The following HMGB1 variants were observed in gnomAD, a reference collection of about 807,000 sequenced individuals.
HMGB1 encodes high mobility group protein B1.
For missense variants in HMGB1, 79 were observed against 253.5 expected (o/e 0.31, Z 4.67); for synonymous variants, 81 against 84.0 (o/e 0.96, Z 0.19).
rs969425691 is a variant in HMGB1 at position 30,463,191 on chromosome 13, C to T, written c.296+16G>A. The T allele has an allele frequency of 6.3e-7, 1 of 1,597,524 alleles. No homozygotes were observed. On this transcript the variant is annotated intron_variant, in intron 3 of 4. Coordinates refer to ENST00000341423, the MANE Select transcript of HMGB1 (RefSeq NM_002128.7). Reference sequence around the variant, plus strand: ...GTAAAACGTGTCTGGGAAGTAAAAACAGGCAAGATACTCACGGAGGCCTCT... The same window carrying T: ...GTAAAACGTGTCTGGGAAGTAAAAATAGGCAAGATACTCACGGAGGCCTCT...
intron 1 of HMGB1, among the ~76,000 whole-genome samples, chr13:30,591,310 G>T (rs1871360367): frequency 6.6e-6 from 1 of 152,052 alleles, no homozygotes; most frequent in Non-Finnish European, 1.5e-5. Flanking sequence ...GGGATTACAG[G>T]TGTGAACCAT....
intron 1 of HMGB1, among the ~76,000 whole-genome samples, chr13:30,515,490 C>G (rs1033433738): frequency 6.6e-6 from 1 of 152,138 alleles, no homozygotes; most frequent in Admixed American, 6.5e-5. Context: ...CACTATTGAA[C>G]AAAACGTAAT....
chr13:30,501,836 G>A (rs895500263), intron 1 of HMGB1, among the ~76,000 whole-genome samples: 1 of 152,116 alleles, frequency 6.6e-6, no homozygotes, highest in African/African-American at 2.4e-5. Context: ...ATCAGATAAT[G>A]TAAAGGCAAT....
chr13:30,572,160 A>G (rs940157970), intron 1 of HMGB1, among the ~76,000 whole-genome samples: 2 of 152,252 alleles, frequency 1.3e-5, no homozygotes, highest in East Asian at 3.8e-4. Context: ...TGCCAGGCAG[A>G]GGTGGGACTG....
At chr13:30,573,776 A>C (rs1467375229) in intron 1 of HMGB1, among the ~76,000 whole-genome samples, 1 of 150,940 alleles carries the variant, frequency 6.6e-6, no homozygotes, top group Non-Finnish European at 1.5e-5. Context: ...TCGGCCTCCC[A>C]AGTAGCAGGG....
chr13:30,482,186 C>T (rs1267346121), intron 1 of HMGB1, among the ~76,000 whole-genome samples: 1 of 152,188 alleles, frequency 6.6e-6, no homozygotes, highest in Non-Finnish European at 1.5e-5. Flanking sequence ...TGAAGGTACT[C>T]TTTCAGGCAA....
intron 1 of HMGB1, among the ~76,000 whole-genome samples, chr13:30,498,580 A>C (rs966640693): frequency 6.6e-6 from 1 of 151,676 alleles, no homozygotes; most frequent in African/African-American, 2.4e-5. Context: ...ACACAATTTC[A>C]ATGATTCTTG....
At chr13:30,581,025 G>A (rs1481959439) in intron 1 of HMGB1, among the ~76,000 whole-genome samples, 1 of 152,038 alleles carries the variant, frequency 6.6e-6, no homozygotes, top group Non-Finnish European at 1.5e-5. Flanking sequence ...TTGAAGTCCT[G>A]GGCTCAAGGA....
intron 1 of HMGB1, among the ~76,000 whole-genome samples, chr13:30,537,518 G>C (rs1320510429): frequency 6.6e-6 from 1 of 151,524 alleles, no homozygotes; most frequent in East Asian, 1.9e-4. Context: ...AATTTTTATA[G>C]AAATGAAATC....
chr13:30,593,775 G>T (rs1020115127), intron 1 of HMGB1, among the ~76,000 whole-genome samples: 12 of 152,098 alleles, frequency 7.9e-5, no homozygotes, highest in Non-Finnish European at 1.5e-5. Context: ...AAATCAGACA[G>T]ATCCAAAATG....
intron 1 of HMGB1, among the ~76,000 whole-genome samples, chr13:30,585,793 T>C (rs1871119689): frequency 6.6e-6 from 1 of 152,220 alleles, no homozygotes; most frequent in African/African-American, 2.4e-5. Context: ...CTCCCATGAA[T>C]ACACGTATGT....
Position 30,570,073 on chromosome 13 carries a change from G to C in HMGB1, c.-15+46598C>G, listed in dbSNP as rs190291272. Among the ~76,000 whole-genome samples, 191 of 152,312 alleles carry C rather than the reference G, an allele frequency of 1.3e-3. 1 individual carries two copies. The highest frequency in any genetic ancestry group is 2.1e-3 in the Non-Finnish European group (143 of 68,026). ...TTGATGGGTCAACAGCGATTTCTTT[G>C]TAAGTGAAGGACAGCACACTGGTTT... On this transcript the variant is annotated intron_variant, in intron 1 of 4. Transcript: ENST00000405805.
intron 1 of HMGB1, chr13:30,553,605 G>A (rs1869533599): frequency 1.7e-6 from 1 of 593,264 alleles, no homozygotes; most frequent in South Asian, 1.9e-5. Flanking sequence ...CACATTGAGT[G>A]TCTGTCCAGC....
chr13:30,556,560 T>C (rs2137519379), intron 1 of HMGB1, among the ~76,000 whole-genome samples: 1 of 152,310 alleles, frequency 6.6e-6, no homozygotes, highest in Admixed American at 6.5e-5. Context: ...ATACACACTA[T>C]GGAGTATTAT....
At chr13:30,591,364 A>G (rs1311082487) in intron 1 of HMGB1, among the ~76,000 whole-genome samples, 3 of 152,118 alleles carry the variant, frequency 2.0e-5, no homozygotes, top group South Asian at 4.1e-4. Context: ...AAGCCTGTTT[A>G]AGGTTTAATC....
intron 1 of HMGB1, among the ~76,000 whole-genome samples, chr13:30,585,307 C>T (rs1032491636): frequency 6.6e-6 from 1 of 151,788 alleles, no homozygotes; most frequent in African/African-American, 2.4e-5. Flanking sequence ...TGACAGAGAC[C>T]CAGTTTCAAA....
upstream of HMGB1, among the ~76,000 whole-genome samples, chr13:30,470,557 A>G (rs975523514): frequency 2.0e-5 from 3 of 152,252 alleles, no homozygotes; most frequent in Non-Finnish European, 4.4e-5. Flanking sequence ...CTTGGTGGAT[A>G]CAGTGAACTA....
intron 1 of HMGB1, among the ~76,000 whole-genome samples, chr13:30,598,095 C>T (rs765388517): frequency 5.3e-5 from 8 of 152,140 alleles, no homozygotes; most frequent in African/African-American, 9.7e-5. Context: ...AGGCATGCAC[C>T]GGCAAATTAC....
intron 1 of HMGB1, among the ~76,000 whole-genome samples, chr13:30,579,703 G>A (rs567512475): frequency 2.0e-4 from 31 of 152,232 alleles, no homozygotes; most frequent in African/African-American, 6.7e-4. Flanking sequence ...GAGAACGTAC[G>A]TAAATGCCTG....
Sources: allele counts gnomAD v4.1 joint callset (sites outside exome capture counted in the v4.1 genomes callset), GRCh38; gene constraint gnomAD v4.1.1; transcripts MANE v1.5; gene names NCBI Gene and HGNC (gene_info 2026-07-23, HGNC 2026-07-21).